Variants in SPOCK3 observed in about 807,000 individuals in gnomAD.
SPOCK3 encodes testican-3.
A neutral mutation model predicts 56.6 loss-of-function variants in SPOCK3; 30 were observed. The observed-to-expected ratio is 0.53, with a 90% confidence interval of 0.40 to 0.72. The LOEUF is 0.72. Ranked by LOEUF, SPOCK3 falls within the 30% of genes least tolerant of loss-of-function variation. SPOCK3 has a pLI of 0.00. For synonymous variants in SPOCK3, 196 were observed against 183.3 expected, an observed-to-expected ratio of 1.07 and a Z score of -0.56; for missense variants, 527 against 530.0, an observed-to-expected ratio of 0.99 and a Z score of 0.06.
At chr4:167,040,154 A>C (rs534895806) in intron 3 of SPOCK3, among the ~76,000 whole-genome samples, 2 of 152,298 alleles carry the variant, frequency 1.3e-5, no homozygotes, top group African/African-American at 2.4e-5. Flanking sequence ...TCTTGCATTA[A>C]AATATTTTAA....
chr4:166,972,093 C>A (rs1414390578), intron 4 of SPOCK3, among the ~76,000 whole-genome samples: 2 of 152,002 alleles, frequency 1.3e-5, no homozygotes, highest in Non-Finnish European at 2.9e-5. Flanking sequence ...CATTGCAAAC[C>A]ACTACTATAA....
At chr4:167,120,702 A>G (rs886491825) in intron 2 of SPOCK3, among the ~76,000 whole-genome samples, 1 of 152,096 alleles carries the variant, frequency 6.6e-6, no homozygotes, top group South Asian at 2.1e-4. Context: ...CCTTTGATAT[A>G]ATAGGAAATA....
intron 3 of SPOCK3, among the ~76,000 whole-genome samples, chr4:167,037,951 A>T (rs11132847): frequency 0.53 from 80,996 of 151,972 alleles, 23,103 homozygotes; most frequent in East Asian, 0.84. Context: ...TATAACGACA[A>T]ACCAGTCACA....
intron 4 of SPOCK3, among the ~76,000 whole-genome samples, chr4:166,918,907 T>A (rs180876154): frequency 6.6e-6 from 1 of 152,148 alleles, no homozygotes; most frequent in Non-Finnish European, 1.5e-5. Context: ...TCTGGTGAGA[T>A]CTGATTATTT....
intron 6 of SPOCK3, among the ~76,000 whole-genome samples, chr4:166,809,553 A>T (rs1345143290): frequency 1.3e-5 from 2 of 152,100 alleles, no homozygotes; most frequent in Non-Finnish European, 2.9e-5. Flanking sequence ...GAGATGTTGA[A>T]ATAGAATAAT....
intron 4 of SPOCK3, among the ~76,000 whole-genome samples, chr4:166,969,701 A>G (rs917855527): frequency 6.6e-6 from 1 of 152,140 alleles, no homozygotes; most frequent in Admixed American, 6.6e-5. Context: ...CCATGAGCCA[A>G]TTAAACCTCT....
intron 2 of SPOCK3, among the ~76,000 whole-genome samples, chr4:167,107,425 A>G (rs1026788386): frequency 6.6e-6 from 1 of 151,938 alleles, no homozygotes; most frequent in African/African-American, 2.4e-5. Flanking sequence ...GTTGCCAAAA[A>G]AAGCATTTCA....
At chr4:166,977,304 T>G (rs985719547) in intron 4 of SPOCK3, among the ~76,000 whole-genome samples, 1 of 152,122 alleles carries the variant, frequency 6.6e-6, no homozygotes, top group African/African-American at 2.4e-5. Flanking sequence ...TAGAGTCAAT[T>G]AATTCAGACT....
chr4:167,048,591 A>G (rs1436680657), intron 3 of SPOCK3, among the ~76,000 whole-genome samples: 2 of 152,170 alleles, frequency 1.3e-5, no homozygotes, highest in Non-Finnish European at 2.9e-5. Flanking sequence ...CAGCTAACAC[A>G]TAAATTATGA....
At chr4:167,056,171 G>A (rs1754829788) in intron 3 of SPOCK3, among the ~76,000 whole-genome samples, 1 of 152,308 alleles carries the variant, frequency 6.6e-6, no homozygotes, top group African/African-American at 2.4e-5. Context: ...TGCAGCCACC[G>A]CTGCTGGTAC....
chr4:166,768,715 T>C (rs940429075), intron 7 of SPOCK3, among the ~76,000 whole-genome samples: 5 of 152,222 alleles, frequency 3.3e-5, no homozygotes, highest in Non-Finnish European at 4.4e-5. Flanking sequence ...CTGTATTTCA[T>C]GAATTTGAAT....
chr4:166,965,403 T>TG (rs1197390511), intron 4 of SPOCK3, among the ~76,000 whole-genome samples: 8 of 149,882 alleles, frequency 5.3e-5, no homozygotes, highest in Non-Finnish European at 8.9e-5. Flanking sequence ...TTTTTTTTTT[T>TG]TTGTTTCTGA....
intron 6 of SPOCK3, among the ~76,000 whole-genome samples, chr4:166,842,955 C>G (rs1393008740): frequency 6.6e-6 from 1 of 152,196 alleles, no homozygotes; most frequent in Non-Finnish European, 1.5e-5. Flanking sequence ...GGCTGCAGAT[C>G]CTGAGCCCTG....
At chr4:166,850,800 C>G (rs191720031) in intron 6 of SPOCK3, among the ~76,000 whole-genome samples, 2 of 152,202 alleles carry the variant, frequency 1.3e-5, no homozygotes, top group Non-Finnish European at 2.9e-5. Flanking sequence ...TATCCCGCAC[C>G]TGGCTCGGAG....
intron 5 of SPOCK3, among the ~76,000 whole-genome samples, chr4:166,890,834 T>C (rs182021023): frequency 1.3e-5 from 2 of 152,090 alleles, no homozygotes; most frequent in Admixed American, 1.3e-4. Flanking sequence ...CGTTGATCTG[T>C]CTAAGATTGA....
intron 8 of SPOCK3, among the ~76,000 whole-genome samples, chr4:166,752,300 G>A (rs1273606153): frequency 1.3e-5 from 2 of 152,000 alleles, no homozygotes; most frequent in East Asian, 3.9e-4. Flanking sequence ...CAGGATTACA[G>A]GCATGAGCAA....
chr4:167,028,646 A>G (rs1751953282), intron 3 of SPOCK3, among the ~76,000 whole-genome samples: 3 of 151,978 alleles, frequency 2.0e-5, no homozygotes. Context: ...ACTTGGACTT[A>G]GTCATATGGC....
intron 2 of SPOCK3, among the ~76,000 whole-genome samples, chr4:167,202,394 T>C (rs1025952400): frequency 8.6e-5 from 13 of 151,974 alleles, no homozygotes; most frequent in African/African-American, 2.9e-4. Flanking sequence ...ATAGATTGTC[T>C]ACATGACAGT....
At position 166,741,996 on chromosome 4, in the gene SPOCK3, C is replaced by T. The variant is rs1734892981; in HGVS notation, c.994+1G>A. The T allele has an allele frequency of 6.2e-7, 1 of 1,609,414 alleles. No homozygotes were observed. Among genetic ancestry groups the T allele is most frequent in the Non-Finnish European group, 8.5e-7 (1 of 1,176,160 alleles). ...CTTCAGAAGAATGATCTATTACTCA[C>T]CTAGGAGCTTCTTTACCCCTTGCCG... On this transcript the variant is annotated splice_donor_variant, in intron 9 of 10. Coordinates refer to ENST00000357545, the MANE Select transcript of SPOCK3 (RefSeq NM_001040159.2). LOFTEE classifies it high-confidence loss of function.
Sources: gnomAD v4.1 joint callset for allele counts (sites outside exome capture counted in the v4.1 genomes callset) on GRCh38, gnomAD v4.1.1 for gene constraint, MANE v1.5 for transcripts, NCBI Gene and HGNC (gene_info 2026-07-23, HGNC 2026-07-21) for gene names.